Variants in ME3 observed in about 807,000 individuals in gnomAD.
ME3 encodes the protein NADP-dependent malic enzyme, mitochondrial.
ME3 carries 48 observed loss-of-function variants against 68.9 expected under a neutral mutation model. That is an observed-to-expected ratio of 0.70 (90% CI 0.55 to 0.89). The LOEUF (loss-of-function observed/expected upper bound fraction) is 0.89. ME3 is among the 40% of genes least tolerant of loss of function. The pLI is 0.00. For missense variants in ME3, 675 were observed against 797.4 expected (o/e 0.85, Z 1.85); for synonymous variants, 320 against 318.8 (o/e 1.00, Z -0.04).
At chr11:86,642,232 G>A (rs974226586) in intron 2 of ME3, among the ~76,000 whole-genome samples, 1 of 152,148 alleles carries the variant, frequency 6.6e-6, no homozygotes, top group Non-Finnish European at 1.5e-5. Flanking sequence ...CATTTTTAAT[G>A]TAGGAAATTA....
chr11:86,450,132 C>T (rs970920495), intron 9 of ME3, 130 bp from the exon 10 acceptor site: 1 of 963,792 alleles, frequency 1.0e-6, no homozygotes, highest in African/African-American at 1.6e-5. Flanking sequence ...CCAATTAAGT[C>T]CTTGCCTTGA....
chr11:86,672,192 T>G, intron 1 of ME3, 132 bp downstream of exon 1: 1 of 424,778 alleles, frequency 2.4e-6, no homozygotes, highest in Non-Finnish European at 4.1e-6. Flanking sequence ...TGGAAGCAGA[T>G]CCGGTGCGGG....
intron 2 of ME3, among the ~76,000 whole-genome samples, chr11:86,572,575 T>C (rs911770235): frequency 2.6e-5 from 4 of 152,212 alleles, no homozygotes; most frequent in Non-Finnish European, 5.9e-5. Context: ...GGATGATGGC[T>C]TCCAGCTTCA....
chr11:86,556,767 G>A (rs557328508), intron 3 of ME3, 65 bp from the exon 4 acceptor site: 1 of 1,547,052 alleles, frequency 6.5e-7, no homozygotes, highest in South Asian at 1.2e-5. Context: ...CCTCTGTGGT[G>A]TGGTGCAAAG....
chr11:86,505,859 G>C (rs1051486788), intron 5 of ME3, among the ~76,000 whole-genome samples: 1 of 152,196 alleles, frequency 6.6e-6, no homozygotes, highest in African/African-American at 2.4e-5. Flanking sequence ...CAGGAATAAA[G>C]GATGGAGGTG....
chr11:86,508,907 A>G, intron 4 of ME3, 40 bp from the exon 5 acceptor site: 1 of 1,531,380 alleles, frequency 6.5e-7, no homozygotes, highest in African/African-American at 1.4e-5. Context: ...GAAACCAGGC[A>G]GTCAGATTAG....
intron 2 of ME3, among the ~76,000 whole-genome samples, chr11:86,635,233 G>C (rs771566790): frequency 6.6e-6 from 1 of 152,218 alleles, no homozygotes; most frequent in Non-Finnish European, 1.5e-5. Flanking sequence ...GTAAGAAGAG[G>C]ATTGGGTGAT....
Position 86,483,545 on chromosome 11 carries a change from G to C in ME3, c.809+3792C>G, listed in dbSNP as rs187934888. On this transcript the variant is annotated intron_variant, in intron 7 of 14. Coordinates refer to ENST00000543262, the Ensembl canonical transcript of ME3. ...TATGGTGAGGGGAAAGAGAGAGAGA[G>C]AATGAATGAATGAATGCACAGAGAC... is the stretch of plus-strand genomic sequence containing the variant. Among the ~76,000 whole-genome samples, 37 of 151,858 alleles carry C rather than the reference G, an allele frequency of 2.4e-4. No individual in the cohort carries two copies. In the East Asian group the frequency reaches 4.3e-3, roughly 17 times the overall value.
chr11:86,568,117 A>G (rs1043938276), intron 2 of ME3, among the ~76,000 whole-genome samples: 2 of 152,216 alleles, frequency 1.3e-5, no homozygotes, highest in African/African-American at 2.4e-5. Flanking sequence ...TCAATATAAG[A>G]CAGGCGGCTT....
intron 5 of ME3, among the ~76,000 whole-genome samples, chr11:86,502,202 C>G (rs1307710058): frequency 6.6e-6 from 1 of 152,204 alleles, no homozygotes; most frequent in Non-Finnish European, 1.5e-5. Context: ...ACAAATCTTA[C>G]CACCCTTGCA....
At chr11:86,579,913 G>T (rs1045617108) in intron 2 of ME3, among the ~76,000 whole-genome samples, 1 of 152,162 alleles carries the variant, frequency 6.6e-6, no homozygotes, top group African/African-American at 2.4e-5. Context: ...TATATTAAAA[G>T]AAAGTGAAAA....
intron 7 of ME3, among the ~76,000 whole-genome samples, chr11:86,475,720 G>A (rs1951020762): frequency 1.3e-5 from 2 of 151,972 alleles, no homozygotes; most frequent in African/African-American, 2.4e-5. Context: ...TGAGGAAATT[G>A]GATCAAATGA....
At chr11:86,630,765 G>C (rs547359002) in intron 2 of ME3, among the ~76,000 whole-genome samples, 5 of 152,262 alleles carry the variant, frequency 3.3e-5, no homozygotes, top group Non-Finnish European at 2.9e-5. Context: ...CTAAGTGTGA[G>C]TAGAACATTA....
intron 2 of ME3, among the ~76,000 whole-genome samples, chr11:86,655,287 C>T (rs996879943): frequency 5.3e-5 from 8 of 152,082 alleles, no homozygotes; most frequent in Admixed American, 1.3e-4. Flanking sequence ...CCTGCATCGC[C>T]AAGTCAATCC....
intron 2 of ME3, among the ~76,000 whole-genome samples, chr11:86,591,667 C>T (rs923751096): frequency 1.3e-5 from 2 of 152,148 alleles, no homozygotes; most frequent in Admixed American, 1.3e-4. Flanking sequence ...ACTTACAGTT[C>T]CACATGGCTG....
chr11:86,533,147 A>G (rs1955385958), intron 4 of ME3, among the ~76,000 whole-genome samples: 2 of 152,292 alleles, frequency 1.3e-5, no homozygotes, highest in East Asian at 3.9e-4. Context: ...TAAGAAAGGA[A>G]ATAACAAAGA....
downstream of ME3, chr11:86,436,246 T>C (rs1948897187): frequency 6.6e-6 from 1 of 152,224 alleles, no homozygotes; most frequent in East Asian, 1.9e-4. Context: ...ATTGTGGTTT[T>C]AATTTTCTTA....
intron 2 of ME3, among the ~76,000 whole-genome samples, chr11:86,620,786 A>G (rs555611365): frequency 6.6e-6 from 1 of 152,324 alleles, no homozygotes; most frequent in Admixed American, 6.5e-5. Flanking sequence ...AATATCATAC[A>G]TCTTTTTTTG....
chr11:86,485,794 A>G (rs1287869539), intron 7 of ME3, among the ~76,000 whole-genome samples: 1 of 152,032 alleles, frequency 6.6e-6, no homozygotes, highest in East Asian at 1.9e-4. Flanking sequence ...AAAATCCCCA[A>G]CCCTGATTAC....
Sources: gnomAD v4.1 joint callset for allele counts (sites outside exome capture counted in the v4.1 genomes callset) on GRCh38, gnomAD v4.1.1 for gene constraint, MANE v1.5 for transcripts, NCBI Gene and HGNC (gene_info 2026-07-23, HGNC 2026-07-21) for gene names.